Variants in BICD1 observed in about 807,000 individuals in gnomAD.
The protein encoded by BICD1 is protein bicaudal D homolog 1.
BICD1 carries 35 observed loss-of-function variants against 92.5 expected under a neutral mutation model. That is an observed-to-expected ratio of 0.38 (90% CI 0.29 to 0.50). The LOEUF is 0.50. Ranked by LOEUF, BICD1 falls within the 20% of genes least tolerant of loss-of-function variation. The pLI is 0.93. For missense variants in BICD1, 950 were observed against 1,189.8 expected, an observed-to-expected ratio of 0.80 and a Z score of 2.97; for synonymous variants, 429 against 465.1, an observed-to-expected ratio of 0.92 and a Z score of 1.00.
chr12:32,132,205 C>G (rs1420582911), intron 1 of BICD1, among the ~76,000 whole-genome samples: 1 of 152,010 alleles, frequency 6.6e-6, no homozygotes, highest in Non-Finnish European at 1.5e-5. Flanking sequence ...ATCATGAGGT[C>G]AGGAGTTCGA....
chr12:32,215,273 A>G (rs1189599493), intron 1 of BICD1, among the ~76,000 whole-genome samples: 2 of 152,156 alleles, frequency 1.3e-5, no homozygotes, highest in African/African-American at 2.4e-5. Flanking sequence ...GAAAAGTGTC[A>G]TTCCACCTCA....
chr12:32,312,321 G>A (rs1160403036), intron 4 of BICD1, among the ~76,000 whole-genome samples: 2 of 152,204 alleles, frequency 1.3e-5, no homozygotes, highest in Admixed American at 6.5e-5. Context: ...ACCTCCTGGA[G>A]TTGTTTGCAT....
intron 1 of BICD1, among the ~76,000 whole-genome samples, chr12:32,141,701 TAACCTTAA>T (rs1942926220): frequency 6.6e-6 from 1 of 152,128 alleles, no homozygotes; most frequent in Admixed American, 6.5e-5. Context: ...CTCAAACCCC[TAACCTTAA>T]ATGATCCATC....
intron 2 of BICD1, among the ~76,000 whole-genome samples, chr12:32,288,551 A>G (rs1406779363): frequency 6.6e-6 from 1 of 152,082 alleles, no homozygotes; most frequent in African/African-American, 2.4e-5. Context: ...TGCCCAGCCT[A>G]TGTCATAATT....
chr12:32,139,999 G>A (rs1194552769), intron 1 of BICD1, among the ~76,000 whole-genome samples: 1 of 152,196 alleles, frequency 6.6e-6, no homozygotes, highest in Non-Finnish European at 1.5e-5. Flanking sequence ...GATCTCAGCA[G>A]CTCTCTGTTC....
At chr12:32,349,756 G>A (rs959114071) in intron 8 of BICD1, among the ~76,000 whole-genome samples, 1 of 152,034 alleles carries the variant, frequency 6.6e-6, no homozygotes, top group African/African-American at 2.4e-5. Flanking sequence ...AAACTTTTTT[G>A]ATGATTTAAA....
intron 2 of BICD1, among the ~76,000 whole-genome samples, chr12:32,225,641 T>TTTTTTTG (rs1945664708): frequency 7.5e-6 from 1 of 134,216 alleles, no homozygotes; most frequent in African/African-American, 2.9e-5. Context: ...TTTTTTTTTT[T>TTTTTTTG]AGACGGAGTT....
intron 1 of BICD1, among the ~76,000 whole-genome samples, chr12:32,214,408 CCT>C: frequency 6.6e-6 from 1 of 152,122 alleles, no homozygotes; most frequent in African/African-American, 2.4e-5. Flanking sequence ...TTTCTCTCTC[CCT>C]CTCTCTCCAT....
intron 1 of BICD1, among the ~76,000 whole-genome samples, chr12:32,120,893 GAGAAA>G (rs890820233): frequency 2.7e-3 from 65 of 23,812 alleles, no homozygotes; most frequent in African/African-American, 0.022. Flanking sequence ...GAGAGAGAGA[GAGAAA>G]AAAAAAAGGA....
intron 1 of BICD1, among the ~76,000 whole-genome samples, chr12:32,120,885 GAGAGAGAGAGAA>G (rs373164485): frequency 0.13 from 17,093 of 134,684 alleles, 1,188 homozygotes; most frequent in Middle Eastern, 0.22. Flanking sequence ...GAGAGAGAGA[GAGAGAGAGAGAA>G]AAAAAAAAGG....
chr12:32,225,621 G>GTTTTTTTTTTTTTTTTTTTTTTTTT lies in BICD1; in HGVS notation c.426+9182_426+9183insTTTTTTTTTTTTTTTTTTTTTTTTT, dbSNP rs58895470. Among the ~76,000 whole-genome samples, 15 of 92,776 alleles carry GTTTTTTTTTTTTTTTTTTTTTTTTT rather than the reference G, an allele frequency of 1.6e-4. 1 individual carries two copies. Among genetic ancestry groups the GTTTTTTTTTTTTTTTTTTTTTTTTT allele is most frequent in the East Asian group, 1.4e-3 (3 of 2,172 alleles). 60.9% of individuals were successfully genotyped at this position (92,776 alleles called of 152,430 possible). ...TGGTATTTGACAGTTCTTTTTTTCT[G>GTTTTTTTTTTTTTTTTTTTTTTTTT]TTTTTTTTTTTTTTTTTTTTAGACG... On this transcript the variant is annotated intron_variant, in intron 2 of 9. Transcript: ENST00000652176.
intron 2 of BICD1, among the ~76,000 whole-genome samples, chr12:32,231,375 C>T (rs908681165): frequency 2.6e-5 from 4 of 151,918 alleles, no homozygotes; most frequent in Non-Finnish European, 5.9e-5. Context: ...CCCAGATACT[C>T]GGGAGGTTGA....
At chr12:32,231,726 C>T (rs1022104742) in intron 2 of BICD1, among the ~76,000 whole-genome samples, 3 of 150,066 alleles carry the variant, frequency 2.0e-5, no homozygotes, top group Non-Finnish European at 3.0e-5. Flanking sequence ...TCCCCCAATG[C>T]TATCCTTCCC....
chr12:32,279,436 G>A (rs1161183583), intron 2 of BICD1, among the ~76,000 whole-genome samples: 4 of 152,092 alleles, frequency 2.6e-5, no homozygotes, highest in Admixed American at 1.3e-4. Context: ...AAGCTTTCCC[G>A]TAAAAATACA....
At chr12:32,173,856 G>A (rs949664270) in intron 1 of BICD1, among the ~76,000 whole-genome samples, 4 of 152,198 alleles carry the variant, frequency 2.6e-5, no homozygotes, top group African/African-American at 7.2e-5. Flanking sequence ...ATAAATGAAT[G>A]TGAACACTTT....
chr12:32,279,854 C>A (rs1947369061), intron 2 of BICD1, among the ~76,000 whole-genome samples: 1 of 152,206 alleles, frequency 6.6e-6, no homozygotes, highest in Non-Finnish European at 1.5e-5. Context: ...AATCCCAGCA[C>A]TTTGGGAGGC....
chr12:32,321,596 C>G (rs796458681), intron 4 of BICD1, among the ~76,000 whole-genome samples: 1 of 152,282 alleles, frequency 6.6e-6, no homozygotes, highest in African/African-American at 2.4e-5. Context: ...CCTCAACTCT[C>G]TCTTGGATAA....
chr12:32,302,610 T>G (rs1329258658), intron 3 of BICD1, among the ~76,000 whole-genome samples: 1 of 152,210 alleles, frequency 6.6e-6, no homozygotes, highest in African/African-American at 2.4e-5. Context: ...TTTCCCAAAG[T>G]GCAATTTTTC....
At chr12:32,256,194 A>C (rs776644976) in intron 2 of BICD1, among the ~76,000 whole-genome samples, 2 of 152,170 alleles carry the variant, frequency 1.3e-5, no homozygotes, top group Non-Finnish European at 2.9e-5. Context: ...GCAGGACTAC[A>C]GCCATGCACT....
Sources: gnomAD v4.1 joint callset for allele counts (sites outside exome capture counted in the v4.1 genomes callset) on GRCh38, gnomAD v4.1.1 for gene constraint, MANE v1.5 for transcripts, NCBI Gene and HGNC (gene_info 2026-07-23, HGNC 2026-07-21) for gene names.